CSNK1G3: variants seen among roughly 807,000 people sequenced by gnomAD.
CSNK1G3 encodes casein kinase I isoform gamma-3.
Under a neutral mutation model 64.3 loss-of-function variants are expected in CSNK1G3, and 23 were observed. The ratio of observed to expected loss-of-function variants is 0.36; its 90% confidence interval spans 0.26 to 0.51. The LOEUF is 0.51. CSNK1G3 is among the 20% of genes least tolerant of loss of function. The pLI is 0.96. For missense variants in CSNK1G3, 357 were observed against 510.5 expected, an observed-to-expected ratio of 0.70 and a Z score of 2.90; for synonymous variants, 158 against 162.2, an observed-to-expected ratio of 0.97 and a Z score of 0.20.
intron 10 of CSNK1G3, among the ~76,000 whole-genome samples, chr5:123,601,931 T>A (rs1794570383): frequency 6.6e-6 from 1 of 152,174 alleles, no homozygotes; most frequent in Non-Finnish European, 1.5e-5. Flanking sequence ...GAATACTACT[T>A]TGTGTCTCCT....
intron 10 of CSNK1G3, among the ~76,000 whole-genome samples, chr5:123,603,568 A>G (rs1382114115): frequency 6.6e-6 from 1 of 152,152 alleles, no homozygotes; most frequent in African/African-American, 2.4e-5. Flanking sequence ...TAAGAAAAAC[A>G]TGAATACTGA....
intron 1 of CSNK1G3, among the ~76,000 whole-genome samples, chr5:123,529,524 G>T (rs1779589352): frequency 6.6e-6 from 1 of 152,126 alleles, no homozygotes; most frequent in Admixed American, 6.5e-5. Flanking sequence ...TGTATTTCTA[G>T]CACCTAGACC....
At chr5:123,527,220 G>A (rs796863400) in intron 1 of CSNK1G3, among the ~76,000 whole-genome samples, 6 of 152,242 alleles carry the variant, frequency 3.9e-5, no homozygotes, top group African/African-American at 1.4e-4. Context: ...TCTTCATTGT[G>A]TTCTGGAACT....
At chr5:123,600,399 G>A (rs1200825426) in intron 10 of CSNK1G3, among the ~76,000 whole-genome samples, 1 of 151,986 alleles carries the variant, frequency 6.6e-6, no homozygotes, top group East Asian at 1.9e-4. Context: ...GCTGAGGCGG[G>A]TGATCACTTG....
chr5:123,549,108 A>G (rs528251481), intron 2 of CSNK1G3, among the ~76,000 whole-genome samples: 21 of 152,308 alleles, frequency 1.4e-4, no homozygotes, highest in East Asian at 1.2e-3. Flanking sequence ...AATATCTCAA[A>G]TTGAACCATC....
chr5:123,540,845 TC>T (rs1369867906), intron 1 of CSNK1G3, among the ~76,000 whole-genome samples: 1 of 152,178 alleles, frequency 6.6e-6, no homozygotes, highest in Admixed American at 6.5e-5. Context: ...CAGGCTGGTC[TC>T]GAACTTCTGA....
rs1777812353 is a variant in CSNK1G3 at position 123,519,987 on chromosome 5, G to GA, written c.-248+7422dup. On this transcript the variant is annotated intron_variant, in intron 1 of 12. Coordinates refer to ENST00000345990, the Ensembl canonical transcript of CSNK1G3. ...CAGATACCTGTGTTCTTAGGCTTTG[G>GA]AAAAATTTAACCAGAAGTTTTCTTT... is the stretch of plus-strand genomic sequence containing the variant. Among the ~76,000 whole-genome samples the GA allele has an allele frequency of 1.3e-5, 2 of 152,078 alleles. 1 individual carries two copies. The highest frequency in any genetic ancestry group is 1.3e-4 in the Admixed American group (2 of 15,268).
chr5:123,605,361 T>C (rs147012871), exon 12 of CSNK1G3: 4 of 1,610,982 alleles, frequency 2.5e-6, no homozygotes, highest in Non-Finnish European at 3.4e-6. Flanking sequence ...GTTGAACATG[T>C]GGTGAGTCTC....
intron 1 of CSNK1G3, among the ~76,000 whole-genome samples, chr5:123,524,061 A>G (rs1778611515): frequency 6.6e-6 from 1 of 152,212 alleles, no homozygotes; most frequent in Non-Finnish European, 1.5e-5. Context: ...CAACCCCTTA[A>G]TAGAAACTAT....
chr5:123,550,934 T>A (rs1561502219), intron 2 of CSNK1G3, among the ~76,000 whole-genome samples: 1 of 152,194 alleles, frequency 6.6e-6, no homozygotes, highest in African/African-American at 2.4e-5. Context: ...TTCAGCAACA[T>A]CTCTAGTATT....
chr5:123,587,284 C>A (rs747664436), intron 6 of CSNK1G3, among the ~76,000 whole-genome samples: 1 of 152,154 alleles, frequency 6.6e-6, no homozygotes, highest in Non-Finnish European at 1.5e-5. Context: ...AAACAGACAT[C>A]CTCTTATTAA....
At chr5:123,524,170 T>C (rs533803880) in intron 1 of CSNK1G3, among the ~76,000 whole-genome samples, 192 of 152,370 alleles carry the variant, frequency 1.3e-3, no homozygotes, top group African/African-American at 4.5e-3. Context: ...TGGCATTTTA[T>C]TTGAATCTGT....
rs117268294 is a variant in CSNK1G3, at chr5:123,591,672, A to G, written c.1086+258A>G. ...TAGAATGGAAGTATTTGGATACCCT[A>G]TTAGAATGAATTGTAATAACACTTG... On this transcript the variant is annotated intron_variant, in intron 10 of 12. Transcript: ENST00000345990. Among the ~76,000 whole-genome samples, 941 of 152,218 alleles carry G rather than the reference A, an allele frequency of 6.2e-3. 16 individuals are homozygous for G. The highest frequency in any genetic ancestry group is 0.048 in the East Asian group (248 of 5,186).
chr5:123,535,398 A>G (rs1457039071), intron 1 of CSNK1G3, among the ~76,000 whole-genome samples: 1 of 152,106 alleles, frequency 6.6e-6, no homozygotes, highest in Non-Finnish European at 1.5e-5. Context: ...AAAATAGGCA[A>G]ATAGCTTGCA....
intron 12 of CSNK1G3, among the ~76,000 whole-genome samples, chr5:123,607,422 C>G (rs1210847640): frequency 6.6e-6 from 1 of 151,994 alleles, no homozygotes; most frequent in African/African-American, 2.4e-5. Context: ...TGTGGTATAC[C>G]CATACAATGG....
At chr5:123,589,066 A>G (rs1436770582) in intron 8 of CSNK1G3, among the ~76,000 whole-genome samples, 1 of 152,180 alleles carries the variant, frequency 6.6e-6, no homozygotes, top group East Asian at 1.9e-4. Context: ...TTTCTACATC[A>G]ATTAAGGAAT....
rs1795101439 is a variant in CSNK1G3 at position 123,604,978 on chromosome 5, C to G, written c.1193+148C>G. On this transcript the variant is annotated intron_variant, in intron 11 of 12. Coordinates refer to ENST00000345990, the Ensembl canonical transcript of CSNK1G3. ...GTGGTATGCTTAATTATTTTAATCACTAGAATGAGTTTAAAATAGTGCTAT... is the reference window on the plus strand; with the variant it reads ...GTGGTATGCTTAATTATTTTAATCAGTAGAATGAGTTTAAAATAGTGCTAT... 6.5e-6 allele frequency: 4 copies of G among 617,422 alleles called. No homozygotes were observed. In the East Asian group the frequency reaches 8.4e-5, roughly 13 times the overall value. 38.2% of individuals were successfully genotyped at this position (617,422 alleles called of 1,614,324 possible). A position where few individuals can be genotyped will look rare whatever the true frequency, so the allele number is the denominator to read the frequency against.
At chr5:123,573,498 G>A (rs2150696652) in exon 5 of CSNK1G3, 1 of 1,613,622 alleles carries the variant, frequency 6.2e-7, no homozygotes, top group South Asian at 1.1e-5. Context: ...TTGTGTGACA[G>A]AACATTTTCT....
rs538460241 is a variant in CSNK1G3 at position 123,531,773 on chromosome 5, T to G, written c.-247-13644T>G. Among the ~76,000 whole-genome samples, 194 of 152,076 alleles carry G rather than the reference T, an allele frequency of 1.3e-3. 1 individual carries two copies. Among genetic ancestry groups the G allele is most frequent in the African/African-American group, 4.5e-3 (186 of 41,556 alleles). On this transcript the variant is annotated intron_variant, in intron 1 of 12. Transcript: ENST00000345990. ...TATGCTACATTAAATGTATATCTGTTATTTTTAGTAGTAGATGGATTAAGG... is the reference window on the plus strand; with the variant it reads ...TATGCTACATTAAATGTATATCTGTGATTTTTAGTAGTAGATGGATTAAGG...
Sources: gnomAD v4.1 joint callset for allele counts (sites outside exome capture counted in the v4.1 genomes callset) on GRCh38, gnomAD v4.1.1 for gene constraint, MANE v1.5 for transcripts, NCBI Gene and HGNC (gene_info 2026-07-23, HGNC 2026-07-21) for gene names.